Variants in ARHGAP22 observed in about 807,000 individuals in gnomAD.
The protein encoded by ARHGAP22 is rho GTPase-activating protein 22.
In ARHGAP22, 48 loss-of-function variants were observed where a neutral mutation model predicts 59.1. The ratio of observed to expected loss-of-function variants is 0.81; its 90% CI spans 0.64 to 1.03. ARHGAP22 has a LOEUF of 1.03. Among genes scored for constraint, ARHGAP22 ranks in the 50% least tolerant of loss-of-function variants. ARHGAP22 has a pLI of 0.00. For missense variants in ARHGAP22, 1,015 were observed against 958.7 expected (o/e 1.06, Z -0.78); for synonymous variants, 445 against 416.4 (o/e 1.07, Z -0.84).
intron 4 of ARHGAP22, among the ~76,000 whole-genome samples, chr10:48,469,146 A>G (rs2047994964): frequency 6.6e-6 from 1 of 152,162 alleles, no homozygotes; most frequent in Non-Finnish European, 1.5e-5. Flanking sequence ...TCAGAGTCAG[A>G]CTGGCCAGTC....
chr10:48,442,054 T>C (rs1044418206), downstream of ARHGAP22, among the ~76,000 whole-genome samples: 1 of 152,198 alleles, frequency 6.6e-6, no homozygotes, highest in Non-Finnish European at 1.5e-5. Flanking sequence ...TTACACCATT[T>C]CTGTCCTCTG....
chr10:48,469,669 T>A (rs750486882), intron 4 of ARHGAP22, among the ~76,000 whole-genome samples: 1 of 152,172 alleles, frequency 6.6e-6, no homozygotes, highest in Non-Finnish European at 1.5e-5. Context: ...CCACTGTGTG[T>A]TGTTAGGTAA....
the ARHGAP22 span, chr10:48,434,737 G>A: frequency 1.9e-6 from 1 of 529,298 alleles, no homozygotes; most frequent in Non-Finnish European, 3.2e-6. Flanking sequence ...TTTTAAGTTA[G>A]TGTGTTGGAT....
At chr10:48,533,619 A>C (rs1186747629) in intron 3 of ARHGAP22, among the ~76,000 whole-genome samples, 1 of 152,256 alleles carries the variant, frequency 6.6e-6, no homozygotes, top group East Asian at 1.9e-4. Flanking sequence ...GCAGATAGTA[A>C]ACATATTTAA....
At chr10:48,577,782 A>T (rs1244605437) in intron 2 of ARHGAP22, among the ~76,000 whole-genome samples, 1 of 98,106 alleles carries the variant, frequency 1.0e-5, no homozygotes, top group Non-Finnish European at 2.0e-5. Context: ...AAAATCTGAG[A>T]TCTAACTGCT....
At chr10:48,629,352 G>A (rs751358451) in intron 1 of ARHGAP22, among the ~76,000 whole-genome samples, 4 of 152,076 alleles carry the variant, frequency 2.6e-5, no homozygotes, top group Non-Finnish European at 5.9e-5. Context: ...CCTCTCCATG[G>A]GTGTCAATCC....
intron 1 of ARHGAP22, among the ~76,000 whole-genome samples, chr10:48,594,839 G>C (rs925341675): frequency 2.6e-5 from 4 of 152,014 alleles, no homozygotes; most frequent in African/African-American, 9.7e-5. Context: ...TGTTACATCT[G>C]AAAGGGTAAC....
intron 3 of ARHGAP22, among the ~76,000 whole-genome samples, chr10:48,535,443 G>A (rs950477558): frequency 6.6e-6 from 1 of 152,192 alleles, no homozygotes; most frequent in Non-Finnish European, 1.5e-5. Flanking sequence ...CAGGGAGAGG[G>A]GGCAGGGAGT....
At chr10:48,467,430 G>T (rs1390731698) in intron 4 of ARHGAP22, among the ~76,000 whole-genome samples, 1 of 151,900 alleles carries the variant, frequency 6.6e-6, no homozygotes, top group Non-Finnish European at 1.5e-5. Flanking sequence ...AGGGATGGGA[G>T]TCCCAAGGGT....
At chr10:48,467,146 C>T (rs1344944951) in intron 4 of ARHGAP22, among the ~76,000 whole-genome samples, 1 of 152,252 alleles carries the variant, frequency 6.6e-6, no homozygotes, top group Non-Finnish European at 1.5e-5. Flanking sequence ...TTGGACTTGA[C>T]ATACAGTATG....
chr10:48,574,630 T>C (rs1352936505), intron 2 of ARHGAP22: 3 of 152,194 alleles, frequency 2.0e-5, no homozygotes, highest in Non-Finnish European at 4.4e-5. Context: ...CGACACCTGA[T>C]GGCATCTTCA....
chr10:48,489,757 G>C (rs539273267), intron 3 of ARHGAP22, among the ~76,000 whole-genome samples: 1 of 129,382 alleles, frequency 7.7e-6, no homozygotes, highest in South Asian at 2.5e-4. Context: ...TTTTTGAGAC[G>C]GAGTCTCACA....
chr10:48,593,276 A>G (rs948903407), intron 1 of ARHGAP22, among the ~76,000 whole-genome samples: 8 of 152,202 alleles, frequency 5.3e-5, no homozygotes. Context: ...CTTCAATTAT[A>G]TTATAGAAGT....
intron 1 of ARHGAP22, among the ~76,000 whole-genome samples, chr10:48,644,634 C>T (rs377663832): frequency 6.6e-6 from 1 of 152,008 alleles, no homozygotes; most frequent in Non-Finnish European, 1.5e-5. Context: ...TTTTGGAAAC[C>T]CTCAAATATT....
At chr10:48,506,733 G>C (rs192884326) in intron 3 of ARHGAP22, among the ~76,000 whole-genome samples, 78 of 152,250 alleles carry the variant, frequency 5.1e-4, no homozygotes, top group Admixed American at 1.8e-3. Context: ...AATCAATGGT[G>C]CCCTCTGGAG....
intron 3 of ARHGAP22, among the ~76,000 whole-genome samples, chr10:48,531,667 AGAGAAGTGAGGG>A (rs2054861309): frequency 2.3e-4 from 1 of 4,296 alleles, no homozygotes; most frequent in Non-Finnish European, 1.3e-3. Context: ...ACCGAAGTAC[AGAGAAGTGAGGG>A]CACCGAAGTA....
the ARHGAP22 span, chr10:48,435,051 G>A: frequency 2.8e-6 from 4 of 1,430,672 alleles, no homozygotes; most frequent in Non-Finnish European, 3.8e-6. Context: ...ATCGGGGGGT[G>A]GGAGGGATGG....
upstream of ARHGAP22, among the ~76,000 whole-genome samples, chr10:48,605,521 G>C (rs140448597): frequency 6.6e-6 from 1 of 152,166 alleles, no homozygotes; most frequent in Non-Finnish European, 1.5e-5. Context: ...AGGAATAAGA[G>C]GGCAGGAAGC....
Position 48,446,061 on chromosome 10 carries a change from A to G in ARHGAP22, c.*330T>C. 1 of 378,000 alleles carries G rather than the reference A, an allele frequency of 2.6e-6. No homozygotes were observed. The highest frequency in any genetic ancestry group is 2.0e-5 in the African/African-American group (1 of 49,436). 23.4% of individuals were successfully genotyped at this position (378,000 alleles called of 1,614,324 possible). ...TGCTTTGTGAGCACATTTAATAAAG[A>G]AAGCTGACTGTTCCCGGTGGCTGCC... On this transcript the variant is annotated 3_prime_UTR_variant, in exon 10 of 10. Transcript: ENST00000249601.
Sources: allele counts gnomAD v4.1 joint callset (sites outside exome capture counted in the v4.1 genomes callset), GRCh38; gene constraint gnomAD v4.1.1; transcripts MANE v1.5; gene names NCBI Gene and HGNC (gene_info 2026-07-23, HGNC 2026-07-21).